NPSR1: variants seen among roughly 807,000 people sequenced by gnomAD.
NPSR1 encodes the protein neuropeptide S receptor 1.
A neutral mutation model predicts 46.9 loss-of-function variants in NPSR1; 48 were observed. The observed-to-expected ratio is 1.02, with a 90% CI of 0.81 to 1.30. NPSR1 has a LOEUF of 1.30. Ranked by LOEUF, NPSR1 falls within the 50% of genes most tolerant of loss-of-function variation. The pLI is 0.00. For missense variants in NPSR1, 450 were observed against 449.5 expected, an observed-to-expected ratio of 1.00 and a Z score of -0.01; for synonymous variants, 176 against 168.1, an observed-to-expected ratio of 1.05 and a Z score of -0.36.
intron 2 of NPSR1, among the ~76,000 whole-genome samples, chr7:34,729,664 A>C (rs1189217960): frequency 6.6e-6 from 1 of 152,270 alleles, no homozygotes; most frequent in Non-Finnish European, 1.5e-5. Flanking sequence ...AAATATAAAA[A>C]GCAACTAGCT....
intron 2 of NPSR1, among the ~76,000 whole-genome samples, chr7:34,713,464 T>A (rs1016235135): frequency 6.6e-6 from 1 of 151,834 alleles, no homozygotes; most frequent in Non-Finnish European, 1.5e-5. Context: ...CATGTATTAT[T>A]TATAAATAAT....
intron 2 of NPSR1, among the ~76,000 whole-genome samples, chr7:34,700,790 C>CA (rs1468615712): frequency 6.6e-6 from 1 of 151,960 alleles, no homozygotes; most frequent in African/African-American, 2.4e-5. Flanking sequence ...TTTCCCAATC[C>CA]AAAAAATGGG....
intron 3 of NPSR1, among the ~76,000 whole-genome samples, chr7:34,806,435 AT>A (rs1399191350): frequency 2.0e-5 from 3 of 152,148 alleles, no homozygotes; most frequent in Non-Finnish European, 4.4e-5. Flanking sequence ...ATACTAAATG[AT>A]TCAACTATAT....
At chr7:34,739,399 C>A (rs1231603200) in intron 2 of NPSR1, among the ~76,000 whole-genome samples, 1 of 152,128 alleles carries the variant, frequency 6.6e-6, no homozygotes, top group Admixed American at 6.5e-5. Flanking sequence ...CTTGCCAGCA[C>A]TTGTTATTTT....
chr7:34,841,042 G>A (rs1016334888), intron 6 of NPSR1, among the ~76,000 whole-genome samples: 37 of 152,264 alleles, frequency 2.4e-4, no homozygotes, highest in Middle Eastern at 3.4e-3. Flanking sequence ...CAAGTTTCAA[G>A]AATTTTAGAA....
chr7:34,735,575 T>C (rs1021879273), intron 2 of NPSR1, among the ~76,000 whole-genome samples: 1 of 152,266 alleles, frequency 6.6e-6, no homozygotes, highest in Non-Finnish European at 1.5e-5. Context: ...ATGTGAGAGC[T>C]ATCTGCTCAG....
At chr7:34,697,504 G>A (rs555655036) in intron 2 of NPSR1, among the ~76,000 whole-genome samples, 27 of 151,904 alleles carry the variant, frequency 1.8e-4, no homozygotes, top group Admixed American at 1.0e-3. Flanking sequence ...ACAAAAATTC[G>A]AGGATGCTTA....
chr7:34,667,859 CT>C (rs1230987024), intron 1 of NPSR1, among the ~76,000 whole-genome samples: 1 of 152,012 alleles, frequency 6.6e-6, no homozygotes, highest in Non-Finnish European at 1.5e-5. Context: ...CTCACCATCC[CT>C]CTTTTATCTC....
chr7:34,768,403 A>G (rs1015011161), intron 2 of NPSR1: 3 of 152,202 alleles, frequency 2.0e-5, no homozygotes, highest in Admixed American at 1.3e-4. Flanking sequence ...ATGTGAAACC[A>G]GACCGGAAAT....
chr7:34,755,371 C>T lies in NPSR1; in HGVS notation c.281-23091C>T, dbSNP rs324967. Among the ~76,000 whole-genome samples the T allele has an allele frequency of 7.9e-3, 1,199 of 152,290 alleles. 13 individuals are homozygous for T. Among genetic ancestry groups the T allele is most frequent in the African/African-American group, 0.027 (1,129 of 41,572 alleles). ...GGTCAAGGATACAAAGTAGCAAATA[C>T]GTAGAATGATTTAATTCTTTACATA... On this transcript the variant is annotated intron_variant, in intron 2 of 8. Coordinates refer to ENST00000360581, the MANE Select transcript of NPSR1 (RefSeq NM_207172.2).
intron 2 of NPSR1, among the ~76,000 whole-genome samples, chr7:34,720,353 A>G (rs1783792148): frequency 1.3e-5 from 2 of 151,844 alleles, no homozygotes; most frequent in African/African-American, 4.8e-5. Context: ...GGCCCACCAG[A>G]CCAGGGGTTG....
chr7:34,781,899 T>A (rs553369793), intron 3 of NPSR1, among the ~76,000 whole-genome samples: 66 of 152,326 alleles, frequency 4.3e-4, no homozygotes, highest in African/African-American at 1.6e-3. Flanking sequence ...CTCCAGACAC[T>A]GACTTAACCA....
chr7:34,783,714 T>A (rs1342810668), intron 3 of NPSR1, among the ~76,000 whole-genome samples: 1 of 152,060 alleles, frequency 6.6e-6, no homozygotes, highest in African/African-American at 2.4e-5. Context: ...AGACATATTA[T>A]AATCAAACTG....
chr7:34,850,001 TA>T, downstream of NPSR1: 1 of 1,040,712 alleles, frequency 9.6e-7, no homozygotes, highest in Non-Finnish European at 1.2e-6. Context: ...GGGACAAAGG[TA>T]GCTGGGTTAT....
At chr7:34,793,403 A>T (rs973595884) in intron 3 of NPSR1, among the ~76,000 whole-genome samples, 3 of 152,170 alleles carry the variant, frequency 2.0e-5, no homozygotes, top group African/African-American at 7.2e-5. Flanking sequence ...AAATGACCTG[A>T]ATAGACATTT....
chr7:34,850,398 CTTTTTTTT>C (rs756462912), downstream of NPSR1, among the ~76,000 whole-genome samples: 1 of 113,054 alleles, frequency 8.8e-6, no homozygotes, highest in African/African-American at 3.6e-5. Context: ...TCCTTGAGGC[CTTTTTTTT>C]TTTTTTTTTT....
chr7:34,672,993 CCTCACTAACCTGCAGTT>C, intron 1 of NPSR1, among the ~76,000 whole-genome samples: 1 of 152,156 alleles, frequency 6.6e-6, no homozygotes, highest in Non-Finnish European at 1.5e-5. Flanking sequence ...CACTATCTGT[CCTCACTAACCTGCAGTT>C]CTCACTCTCT....
chr7:34,684,809 A>G, intron 2 of NPSR1, 125 bp downstream of exon 2: 1 of 767,222 alleles, frequency 1.3e-6, no homozygotes, highest in Non-Finnish European at 2.0e-6. Context: ...ATAATTTCTG[A>G]AAGAATATAA....
At chr7:34,681,523 C>A (rs552442079) in intron 1 of NPSR1, among the ~76,000 whole-genome samples, 1 of 152,172 alleles carries the variant, frequency 6.6e-6, no homozygotes, top group Non-Finnish European at 1.5e-5. Context: ...ACAGCAGCAG[C>A]GGAAGAGATA....
Sources: gnomAD v4.1 joint callset for allele counts (sites outside exome capture counted in the v4.1 genomes callset) on GRCh38, gnomAD v4.1.1 for gene constraint, MANE v1.5 for transcripts, NCBI Gene and HGNC (gene_info 2026-07-23, HGNC 2026-07-21) for gene names.